POU4F2: variants seen among roughly 807,000 people sequenced by gnomAD.
POU4F2 encodes POU class 4 homeobox 2.
POU4F2 carries 10 observed loss-of-function variants against 21.5 expected under a neutral mutation model. The observed-to-expected ratio is 0.46, with a 90% CI of 0.29 to 0.79. POU4F2 has a LOEUF of 0.79. POU4F2 is among the 30% of genes least tolerant of loss of function. POU4F2 has a pLI of 0.10. For missense variants in POU4F2, 623 were observed against 603.3 expected, an observed-to-expected ratio of 1.03 and a Z score of -0.34; for synonymous variants, 324 against 271.1, an observed-to-expected ratio of 1.20 and a Z score of -1.92.
In POU4F2 at chr4:146,639,337, G is replaced by GCGA. The variant is rs2149968180; in HGVS notation, c.199_200insACG (p.Gly66_Gly67insAsp). On this transcript the variant is annotated inframe_insertion, in exon 1 of 2. Coordinates refer to ENST00000281321, the MANE Select transcript of POU4F2 (RefSeq NM_004575.3). The stretch of plus-strand genomic sequence containing the variant: ...GGCGGCGGCGGCGGCGGCGGCGGCG[G>GCGA]CGGAGGCCGAAGCAGCAGCTCCAGC... 1.3e-6 allele frequency: 2 copies of GCGA among 1,492,596 alleles called. No homozygotes were observed. The highest frequency in any genetic ancestry group is 1.4e-5 in the South Asian group (1 of 74,008). The allele number at this position is 1,492,596 out of a possible 1,614,324, so 92.5% of individuals were successfully genotyped here. A position where few individuals can be genotyped will look rare whatever the true frequency, so the allele number is the denominator to read the frequency against.
In POU4F2 at chr4:146,638,932, G is replaced by A. The variant is rs1160152780; in HGVS notation, c.-209G>A. On this transcript the variant is annotated 5_prime_UTR_variant, in exon 1 of 2. Coordinates refer to ENST00000281321, the MANE Select transcript of POU4F2 (RefSeq NM_004575.3). ...AGGTCTGCAGCTAGCGGCAAGCGGA[G>A]TCAGGCATCCGTTCAGACTGACAGC... The A allele has an allele frequency of 1.3e-5, 8 of 609,658 alleles. No individual in the cohort carries two copies. The highest frequency in any genetic ancestry group is 8.5e-5 in the Admixed American group (2 of 23,642). 37.8% of individuals were successfully genotyped at this position (609,658 alleles called of 1,614,324 possible). A position where few individuals can be genotyped will look rare whatever the true frequency, so the allele number is the denominator to read the frequency against.
chr4:146,639,093 C>G lies in POU4F2; in HGVS notation c.-48C>G. 1.3e-6 allele frequency: 2 copies of G among 1,581,180 alleles called. No individual in the cohort carries two copies. The highest frequency in any genetic ancestry group is 1.7e-6 in the Non-Finnish European group (2 of 1,168,054). ...GCACTTCTCGGAGGGTCCCGGCAGC[C>G]GGGACCAGTGAGTGCCTCTACGGAC... On this transcript the variant is annotated 5_prime_UTR_variant, in exon 1 of 2. Transcript: ENST00000281321.
At position 146,641,992 on chromosome 4, in the gene POU4F2, G is replaced by C. The variant is rs945069893; in HGVS notation, c.*1184G>C. 3 of 152,506 alleles carry C rather than the reference G, an allele frequency of 2.0e-5. No individual in the cohort carries two copies. Among genetic ancestry groups the C allele is most frequent in the Non-Finnish European group, 4.4e-5 (3 of 68,028 alleles). The allele number at this position is 152,506 out of a possible 1,614,324, so 9.4% of individuals were successfully genotyped here. ...CCTTCAGATTTTAGATTTCACCAAG[G>C]TATTTCAGTCTTCCAGTTTTCAATT... On this transcript the variant is annotated 3_prime_UTR_variant, in exon 2 of 2. Coordinates refer to ENST00000281321, the MANE Select transcript of POU4F2 (RefSeq NM_004575.3).
chr4:146,639,381 G>A lies in POU4F2; in HGVS notation c.241G>A (p.Gly81Ser). The A allele has an allele frequency of 2.0e-6, 3 of 1,471,868 alleles. No individual in the cohort carries two copies. The highest frequency in any genetic ancestry group is 2.7e-6 in the Non-Finnish European group (3 of 1,120,320). 91.2% of individuals were successfully genotyped at this position (1,471,868 alleles called of 1,614,324 possible). A position where few individuals can be genotyped will look rare whatever the true frequency, so the allele number is the denominator to read the frequency against. Residue 81 changes from glycine to serine, a missense_variant, in exon 1 of 2, where the codon GGC becomes AGC. Coordinates refer to ENST00000281321, the MANE Select transcript of POU4F2 (RefSeq NM_004575.3). ...CTCCAGCAGCAGTGGCAGCAGCGGC[G>A]GCGGGGGCTCGGAGGCTATGCGGAG... ...SSSSSSGSSG[G>S]GGSEAMRRAC...
In POU4F2 at chr4:146,640,261, T is replaced by G; in HGVS notation, c.683T>G (p.Met228Arg). ...CCGCACATGGCCACCATGAACCCCATGCACCAAGCAGCGCTCAGCATGGCC... is the reference window on the plus strand; with the variant it reads ...CCGCACATGGCCACCATGAACCCCAGGCACCAAGCAGCGCTCAGCATGGCC... ...HAPHMATMNP[M>R]HQAALSMAHA... is the part of the protein sequence containing the mutation. The change falls in exon 2 of 2, where the codon ATG becomes AGG. Residue 228 changes from methionine to arginine, a missense_variant. Physicochemically the swap from Met to Arg is moderately conservative, Grantham distance 91. Coordinates refer to ENST00000281321, the MANE Select transcript of POU4F2 (RefSeq NM_004575.3). This position sits in a 1 kb window ranked among gnomAD's most constrained non-coding sequence, Gnocchi z 4.8. The G allele has an allele frequency of 6.3e-7, 1 of 1,577,758 alleles. No individual in the cohort carries two copies. The highest frequency in any genetic ancestry group is 8.6e-7 in the Non-Finnish European group (1 of 1,166,340).
Position 146,639,124 on chromosome 4 carries a change from C to T in POU4F2, c.-17C>T, listed in dbSNP as rs1561026503. 2 of 1,600,178 alleles carry T rather than the reference C, an allele frequency of 1.2e-6. No individual in the cohort carries two copies. The highest frequency in any genetic ancestry group is 1.7e-6 in the Non-Finnish European group (2 of 1,174,522). ...CAGTGAGTGCCTCTACGGACCAGCG[C>T]CCCGGCGGGCGGGAAGATGATGATG... On this transcript the variant is annotated 5_prime_UTR_variant, in exon 1 of 2. Transcript: ENST00000281321.
chr4:146,640,425 C>T lies in POU4F2; in HGVS notation c.847C>T (p.Leu283=), dbSNP rs76129457. The change falls in exon 2 of 2, where the codon CTG becomes TTG. Residue 283 remains leucine (L), a synonymous_variant. Transcript: ENST00000281321. This position sits in a 1 kb window ranked among gnomAD's most constrained non-coding sequence, Gnocchi z 4.8. ...GACCCAGGCAGATGTGGGCTCCGCGCTGGCCAACCTCAAGATCCCCGGCGT... is the reference window on the plus strand; with the variant it reads ...GACCCAGGCAGATGTGGGCTCCGCGTTGGCCAACCTCAAGATCCCCGGCGT... ...GVTQADVGSA[L]ANLKIPGVGS... 167 of 1,612,566 alleles carry T rather than the reference C, an allele frequency of 1.0e-4. No individual in the cohort carries two copies. The African/African-American group carries it at 2.1e-3, about 20-fold the overall frequency.
Position 146,638,981 on chromosome 4 carries a change from C to A in POU4F2, c.-160C>A. 2 of 880,408 alleles carry A rather than the reference C, an allele frequency of 2.3e-6. No individual in the cohort carries two copies. The highest frequency in any genetic ancestry group is 3.3e-6 in the Non-Finnish European group (2 of 605,930). 54.5% of individuals were successfully genotyped at this position (880,408 alleles called of 1,614,324 possible). On this transcript the variant is annotated 5_prime_UTR_variant, in exon 1 of 2. Transcript: ENST00000281321. ...GCAGAGGCGGCGAAGGAGCGCGTAG[C>A]CGAGATCAGGCGTACAGAGTCCGGA...
rs1740901839 is a variant in POU4F2 at position 146,642,266 on chromosome 4, C to T, written c.*1458C>T. 2 of 152,188 alleles carry T rather than the reference C, an allele frequency of 1.3e-5. No individual in the cohort carries two copies. The highest frequency in any genetic ancestry group is 1.3e-4 in the Admixed American group (2 of 15,282). The allele number at this position is 152,188 out of a possible 1,614,324, so 9.4% of individuals were successfully genotyped here. ...TTACAAATTTTGCTGTATTGCTGTT[C>T]TCTTTGAGGCTCTCCAAAGTCTTGA... On this transcript the variant is annotated 3_prime_UTR_variant, in exon 2 of 2. Transcript: ENST00000281321.
rs1167260251 is a variant in POU4F2, at chr4:146,641,654, CATTTGTAT to C, written c.*850_*857del. 6.6e-6 allele frequency: 1 copy of C among 152,516 alleles called. No individual in the cohort carries two copies. Among genetic ancestry groups the C allele is most frequent in the Non-Finnish European group, 1.5e-5 (1 of 68,042 alleles). The allele number at this position is 152,516 out of a possible 1,614,324, so 9.4% of individuals were successfully genotyped here. ...CTCCTATACTGTGTTCCTTTTGACC[CATTTGTAT>C]ATTCTCACTTGAATGAAGATTGTTT... On this transcript the variant is annotated 3_prime_UTR_variant, in exon 2 of 2. Transcript: ENST00000281321.
Position 146,639,196 on chromosome 4 carries a change from G to C in POU4F2, c.56G>C (p.Ser19Thr). 6.2e-7 allele frequency: 1 copy of C among 1,607,156 alleles called. No individual in the cohort carries two copies. Among genetic ancestry groups the C allele is most frequent in the South Asian group, 1.1e-5 (1 of 90,160 alleles). Residue 19 changes from serine to threonine, a missense_variant, in exon 1 of 2, where the codon AGC becomes ACC. Around this residue, in one of 3 missense-constraint regions of POU4F2, gnomAD observed 94 missense variants for 74.1 expected, o/e 1.27. Transcript: ENST00000281321. ...KQAFSMPHGG[S>T]LHVEPKYSAL... is the part of the protein sequence containing the mutation. ...GCGTTTAGCATGCCGCACGGCGGCA[G>C]CCTGCACGTGGAGCCCAAGTACTCG...
chr4:146,640,303 C>A lies in POU4F2; in HGVS notation c.725C>A (p.Pro242Gln). 1 of 1,564,426 alleles carries A rather than the reference C, an allele frequency of 6.4e-7. No individual in the cohort carries two copies. ...AGCATGGCCCACGCGCACGGGCTGC[C>A]GTCGCACATGGGCTGCATGAGCGAC... is the stretch of plus-strand genomic sequence containing the variant. Reference protein sequence around the residue: ...ALSMAHAHGLPSHMGCMSDVD... With the variant: ...ALSMAHAHGLQSHMGCMSDVD... Residue 242 changes from proline (P) to glutamine (Q), a missense_variant, in exon 2 of 2, where the codon CCG (proline) becomes CAG (glutamine). Pro to Gln is a moderately conservative substitution (Grantham distance 76). Around this residue, in one of 3 missense-constraint regions of POU4F2, gnomAD observed 523 missense variants for 504.1 expected, o/e 1.04. Transcript: ENST00000281321. This position sits in a 1 kb window ranked among gnomAD's most constrained non-coding sequence, Gnocchi z 4.8.
Position 146,640,633 on chromosome 4 carries a change from TC to T in POU4F2, c.1056del (p.Ile352MetfsTer33). 1 of 1,614,240 alleles carries T rather than the reference TC, an allele frequency of 6.2e-7. No homozygotes were observed. The highest frequency in any genetic ancestry group is 8.5e-7 in the Non-Finnish European group (1 of 1,180,030). On this transcript the variant is annotated frameshift_variant, in exon 2 of 2. Coordinates refer to ENST00000281321, the MANE Select transcript of POU4F2 (RefSeq NM_004575.3). LOFTEE classifies it high-confidence loss of function. The surrounding 1 kb of genome is among the most constrained non-coding windows in gnomAD (Gnocchi z 4.8). ...GAGAAGAAGCGCAAGCGCACGTCCATCGCTGCGCCAGAGAAGCGCTCGCTCG... is the reference window on the plus strand; with the variant it reads ...GAGAAGAAGCGCAAGCGCACGTCCATGCTGCGCCAGAGAAGCGCTCGCTCG... ...GAEKKRKRTS[I>X]AAPEKRSLEA...
rs748216623 is a variant in POU4F2, at chr4:146,639,911, C to T, written c.333C>T (p.Ala111=). ...TGGATGAGAGTCTGCTGGCCCGCGC[C>T]GAGGCTCTGGCAGCCGTGGACATCG... is the stretch of plus-strand genomic sequence containing the variant. The part of the protein sequence containing the change: ...GGLDESLLAR[A]EALAAVDIVS... The change falls in exon 2 of 2, where the codon GCC becomes GCT. Residue 111 remains alanine (A), a synonymous_variant. Transcript: ENST00000281321. The T allele has an allele frequency of 6.3e-5, 100 of 1,578,008 alleles. No individual in the cohort carries two copies. The South Asian group carries it at 1.1e-3, about 17-fold the overall frequency.
In POU4F2 at chr4:146,640,183, T is replaced by C. The variant is rs1740850304; in HGVS notation, c.605T>C (p.Leu202Pro). ...GAGCACCTGAGTCCCGGGCTGGCCC[T>C]GGGCGCTATGGCGGGCCCCGACGGC... Reference protein sequence around the residue: ...LLEHLSPGLALGAMAGPDGAV... With the variant: ...LLEHLSPGLAPGAMAGPDGAV... The change falls in exon 2 of 2, where the codon CTG becomes CCG. Residue 202 changes from leucine to proline, a missense_variant. Physicochemically the swap from Leu to Pro is moderately conservative, Grantham distance 98. Around this residue, in one of 3 missense-constraint regions of POU4F2, gnomAD observed 523 missense variants for 504.1 expected, o/e 1.04. Transcript: ENST00000281321. This position sits in a 1 kb window ranked among gnomAD's most constrained non-coding sequence, Gnocchi z 4.8. 1 of 1,588,730 alleles carries C rather than the reference T, an allele frequency of 6.3e-7. No homozygotes were observed. Among genetic ancestry groups the C allele is most frequent in the Non-Finnish European group, 8.5e-7 (1 of 1,174,054 alleles).
rs755910426 is a variant in POU4F2, at chr4:146,640,334, C to G, written c.756C>G (p.Asp252Glu). 1 of 1,579,724 alleles carries G rather than the reference C, an allele frequency of 6.3e-7. No homozygotes were observed. The highest frequency in any genetic ancestry group is 1.7e-5 in the Admixed American group (1 of 58,202). Residue 252 changes from aspartate (D) to glutamate (E), a missense_variant, in exon 2 of 2, where the codon GAC (aspartate) becomes GAG (glutamate). Transcript: ENST00000281321. This position sits in a 1 kb window ranked among gnomAD's most constrained non-coding sequence, Gnocchi z 4.8. ...ACATGGGCTGCATGAGCGACGTGGA[C>G]GCCGACCCGCGGGACCTGGAGGCAT... ...PSHMGCMSDVDADPRDLEAFA... is the reference protein window; with the variant it reads ...PSHMGCMSDVEADPRDLEAFA...
At position 146,639,933 on chromosome 4, in the gene POU4F2, A is replaced by T; in HGVS notation, c.355A>T (p.Ile119Phe). 1 of 1,598,312 alleles carries T rather than the reference A, an allele frequency of 6.3e-7. No homozygotes were observed. Among genetic ancestry groups the T allele is most frequent in the South Asian group, 1.1e-5 (1 of 87,956 alleles). ...ARAEALAAVDIVSQSKSHHHH... is the reference protein window; with the variant it reads ...ARAEALAAVDFVSQSKSHHHH... ...CGCCGAGGCTCTGGCAGCCGTGGAC[A>T]TCGTCTCCCAGAGCAAGAGCCACCA... Residue 119 changes from isoleucine to phenylalanine, a missense_variant, in exon 2 of 2, where the codon ATC (isoleucine) becomes TTC (phenylalanine). Physicochemically the swap from Ile to Phe is conservative, Grantham distance 21 (BLOSUM62 0). Coordinates refer to ENST00000281321, the MANE Select transcript of POU4F2 (RefSeq NM_004575.3).
rs754238090 is a variant in POU4F2, at chr4:146,640,242, A to G, written c.664A>G (p.Met222Val). 1 of 1,582,268 alleles carries G rather than the reference A, an allele frequency of 6.3e-7. No individual in the cohort carries two copies. Among genetic ancestry groups the G allele is most frequent in the Admixed American group, 1.7e-5 (1 of 58,256 alleles). The change falls in exon 2 of 2, where the codon ATG (methionine) becomes GTG (valine). Residue 222 changes from methionine (M) to valine (V), a missense_variant. This residue lies in a region of POU4F2 where 523 missense variants were observed against 504.1 expected (regional missense o/e 1.04). Coordinates refer to ENST00000281321, the MANE Select transcript of POU4F2 (RefSeq NM_004575.3). The surrounding 1 kb of genome is among the most constrained non-coding windows in gnomAD (Gnocchi z 4.8). ...GTCCACGCCGGCTCACGCGCCGCACATGGCCACCATGAACCCCATGCACCA... is the reference window on the plus strand; with the variant it reads ...GTCCACGCCGGCTCACGCGCCGCACGTGGCCACCATGAACCCCATGCACCA... ...VVSTPAHAPH[M>V]ATMNPMHQAA...
At chr4:146,639,772 G>A (rs943861126) in intron 1 of POU4F2, 95 bp from the exon 2 acceptor site, 96 of 1,222,570 alleles carry the variant, frequency 7.9e-5, no homozygotes, top group Non-Finnish European at 9.8e-5. Flanking sequence ...TGTTGTAGGC[G>A]CGGCGACGGT....
Sources: gnomAD v4.1 joint callset for allele counts on GRCh38, gnomAD v4.1.1 for gene constraint, gnomAD v4.1.1 regional missense constraint, Gnocchi (gnomAD v3.1) non-coding constraint, MANE v1.5 for transcripts, NCBI Gene and HGNC (gene_info 2026-07-23, HGNC 2026-07-21) for gene names.